The following CHSY3 variants were observed in gnomAD, a reference collection of about 807,000 sequenced individuals.
CHSY3 encodes N-acetylgalactosaminyl-proteoglycan 3-beta-glucuronosyltransferase 3.
Under a neutral mutation model 67.2 loss-of-function variants are expected in CHSY3, and 35 were observed. The observed-to-expected ratio is 0.52, with a 90% confidence interval of 0.40 to 0.69. The LOEUF (loss-of-function observed/expected upper bound fraction) is 0.69, where lower values mean the gene tolerates loss of function less well. CHSY3 is among the 30% of genes least tolerant of loss of function. The pLI, the probability that CHSY3 is intolerant of heterozygous loss-of-function variation, is 0.00. For synonymous variants in CHSY3, 474 were observed against 434.7 expected (o/e 1.09, Z -1.12); for missense variants, 1,069 against 1,138.5 (o/e 0.94, Z 0.88).
chr5:129,974,635 C>T (rs534334096), intron 2 of CHSY3, among the ~76,000 whole-genome samples: 76 of 152,002 alleles, frequency 5.0e-4, no homozygotes, highest in Non-Finnish European at 1.1e-3. Context: ...AACTTCATGG[C>T]GCAGTTGTAA....
intron 2 of CHSY3, among the ~76,000 whole-genome samples, chr5:130,110,835 C>T (rs1346015793): frequency 6.6e-6 from 1 of 151,774 alleles, no homozygotes; most frequent in African/African-American, 2.4e-5. Context: ...TTTGTAAGAT[C>T]TTTAGAAATC....
At chr5:130,084,378 G>T (rs28437183) in intron 2 of CHSY3, among the ~76,000 whole-genome samples, 3,436 of 151,924 alleles carry the variant, frequency 0.023, 127 homozygotes, top group African/African-American at 0.076. Flanking sequence ...AGCTTGATTT[G>T]ATCATTCCAC....
At chr5:130,014,589 C>G (rs1027713644) in intron 2 of CHSY3, among the ~76,000 whole-genome samples, 4 of 152,254 alleles carry the variant, frequency 2.6e-5, no homozygotes, top group Admixed American at 2.0e-4. Context: ...CCTTGACAAT[C>G]TAATTACCTC....
intron 2 of CHSY3, among the ~76,000 whole-genome samples, chr5:129,971,746 A>G (rs1343158743): frequency 1.3e-5 from 2 of 152,044 alleles, no homozygotes; most frequent in East Asian, 3.9e-4. Context: ...ATTCAGAGAC[A>G]TTATTAATGA....
intron 2 of CHSY3, 76 bp from the exon 3 acceptor site, chr5:130,184,153 C>T: frequency 3.1e-6 from 4 of 1,301,808 alleles, no homozygotes; most frequent in Admixed American, 3.4e-5. Flanking sequence ...CATTTAGATG[C>T]TTTAGTTTAT....
intron 2 of CHSY3, among the ~76,000 whole-genome samples, chr5:130,136,679 G>A (rs986661017): frequency 6.6e-6 from 1 of 152,178 alleles, no homozygotes; most frequent in Admixed American, 6.6e-5. Context: ...ATGAAGTAGA[G>A]ATTTTAATTA....
chr5:129,961,817 C>T (rs895386197), intron 2 of CHSY3, among the ~76,000 whole-genome samples: 2 of 151,876 alleles, frequency 1.3e-5, no homozygotes, highest in Non-Finnish European at 2.9e-5. Flanking sequence ...AGTCAATAAA[C>T]TTTTTTAAAA....
chr5:130,045,090 A>C (rs371684316), intron 2 of CHSY3, among the ~76,000 whole-genome samples: 10 of 152,108 alleles, frequency 6.6e-5, no homozygotes, highest in East Asian at 1.9e-4. Context: ...TCCTGTGCTC[A>C]AGAAATCCTC....
intron 2 of CHSY3, among the ~76,000 whole-genome samples, chr5:130,078,499 A>G (rs1399296738): frequency 6.6e-6 from 1 of 152,140 alleles, no homozygotes; most frequent in African/African-American, 2.4e-5. Context: ...TTTTTAAAAT[A>G]TTTTAAAGAC....
intron 2 of CHSY3, among the ~76,000 whole-genome samples, chr5:129,948,083 C>A (rs970275679): frequency 6.6e-6 from 1 of 152,088 alleles, no homozygotes; most frequent in Non-Finnish European, 1.5e-5. Flanking sequence ...TTGATGGTGT[C>A]TTCTGCTGTG....
intron 2 of CHSY3, among the ~76,000 whole-genome samples, chr5:130,122,583 T>G (rs1322720488): frequency 1.3e-5 from 2 of 152,154 alleles, no homozygotes; most frequent in Non-Finnish European, 2.9e-5. Flanking sequence ...GGAAGGGAGG[T>G]GCTCAGACAG....
intron 2 of CHSY3, among the ~76,000 whole-genome samples, chr5:129,953,132 C>A (rs902968690): frequency 1.3e-5 from 2 of 152,042 alleles, no homozygotes; most frequent in African/African-American, 4.8e-5. Flanking sequence ...CCTCCCCTAT[C>A]CCCCTACCCC....
intron 2 of CHSY3, among the ~76,000 whole-genome samples, chr5:130,180,239 ATATTTTGGTGACTAAAGG>A (rs1426420314): frequency 2.0e-4 from 30 of 152,208 alleles, no homozygotes; most frequent in African/African-American, 6.7e-4. Context: ...AATTCTAAAC[ATATTTTGGTGACTAAAGG>A]TATTTTGGTG....
At chr5:130,073,292 C>CTT (rs529927658) in intron 2 of CHSY3, among the ~76,000 whole-genome samples, 3 of 145,116 alleles carry the variant, frequency 2.1e-5, no homozygotes, top group African/African-American at 2.5e-5. Flanking sequence ...TAAAAATAAA[C>CTT]TTTTTTTTTT....
At chr5:129,948,403 T>C (rs1293249153) in intron 2 of CHSY3, among the ~76,000 whole-genome samples, 1 of 152,196 alleles carries the variant, frequency 6.6e-6, no homozygotes, top group Non-Finnish European at 1.5e-5. Flanking sequence ...CCTCATAGCT[T>C]ACCTCCCACT....
At chr5:130,165,285 A>G (rs1029551410) in intron 2 of CHSY3, among the ~76,000 whole-genome samples, 2 of 152,158 alleles carry the variant, frequency 1.3e-5, no homozygotes, top group African/African-American at 2.4e-5. Context: ...AGATATGAAG[A>G]AGAGAAGCAA....
intron 2 of CHSY3, among the ~76,000 whole-genome samples, chr5:130,151,520 G>A (rs1005838838): frequency 6.6e-6 from 1 of 152,182 alleles, no homozygotes; most frequent in Non-Finnish European, 1.5e-5. Flanking sequence ...GTGTTAGCCT[G>A]TTCTCTTGCT....
At chr5:130,023,254 G>C (rs1580659455) in intron 2 of CHSY3, among the ~76,000 whole-genome samples, 1 of 152,048 alleles carries the variant, frequency 6.6e-6, no homozygotes, top group Middle Eastern at 3.4e-3. Context: ...AGAGGTTATA[G>C]TTGCTTACAG....
chr5:130,165,108 G>A (rs1270154012), intron 2 of CHSY3, among the ~76,000 whole-genome samples: 1 of 152,114 alleles, frequency 6.6e-6, no homozygotes, highest in Non-Finnish European at 1.5e-5. Flanking sequence ...ATGGTCAGTG[G>A]ATGGCATTGA....
Sources: gnomAD v4.1 joint callset for allele counts (sites outside exome capture counted in the v4.1 genomes callset) on GRCh38, gnomAD v4.1.1 for gene constraint, MANE v1.5 for transcripts, NCBI Gene and HGNC (gene_info 2026-07-23, HGNC 2026-07-21) for gene names.